CNTLN: variants seen among roughly 807,000 people sequenced by gnomAD.
CNTLN encodes the protein centlein, also known as centlein, centrosomal protein.
A neutral mutation model predicts 180.0 loss-of-function variants in CNTLN; 212 were observed. The ratio of observed to expected loss-of-function variants is 1.18; its 90% CI spans 1.05 to 1.32. CNTLN has a LOEUF of 1.32. CNTLN is among the 40% of genes most tolerant of loss of function. The pLI is 0.00. For missense variants in CNTLN, 2,095 were observed against 1,610.9 expected, an observed-to-expected ratio of 1.30 and a Z score of -5.14; for synonymous variants, 722 against 563.1, an observed-to-expected ratio of 1.28 and a Z score of -3.99.
At chr9:17,199,514 T>G (rs533092439) in intron 2 of CNTLN, among the ~76,000 whole-genome samples, 59 of 152,326 alleles carry the variant, frequency 3.9e-4, no homozygotes, top group African/African-American at 1.3e-3. Flanking sequence ...CCCAGCTTCC[T>G]GACTTTTTAA....
chr9:17,267,861 C>T (rs191914879), intron 5 of CNTLN, among the ~76,000 whole-genome samples: 4 of 152,204 alleles, frequency 2.6e-5, no homozygotes, highest in Non-Finnish European at 5.9e-5. Flanking sequence ...GTCCACGTAG[C>T]TCTTGTGCCT....
At chr9:17,439,782 G>T (rs911637354) in intron 18 of CNTLN, among the ~76,000 whole-genome samples, 1 of 152,186 alleles carries the variant, frequency 6.6e-6, no homozygotes, top group Non-Finnish European at 1.5e-5. Context: ...GGGCCCCCAT[G>T]ATGGGATTAA....
chr9:17,339,678 C>T lies in CNTLN; in HGVS notation c.1645-1149C>T, dbSNP rs187222053. 2.0e-5 allele frequency among the ~76,000 whole-genome samples: 3 copies of T among 152,232 alleles called. No homozygotes were observed. The East Asian group carries it at 5.8e-4, about 29-fold the overall frequency. On this transcript the variant is annotated intron_variant, in intron 10 of 25. Transcript: ENST00000380647. ...TTCATTCATACAGAAATATGAATAA[C>T]AGTTATTAAAATATTTGAAATTCTC...
At chr9:17,353,130 A>T (rs1354529574) in intron 12 of CNTLN, among the ~76,000 whole-genome samples, 2 of 151,644 alleles carry the variant, frequency 1.3e-5, no homozygotes, top group Non-Finnish European at 2.9e-5. Context: ...TTATTTTTCT[A>T]TTTTTTGTAG....
chr9:17,221,924 C>G (rs1287156035), intron 2 of CNTLN, among the ~76,000 whole-genome samples: 1 of 151,988 alleles, frequency 6.6e-6, no homozygotes, highest in East Asian at 1.9e-4. Flanking sequence ...TTCTCATATT[C>G]TCTCTTTTTA....
intron 25 of CNTLN, among the ~76,000 whole-genome samples, chr9:17,494,350 T>C (rs1248499743): frequency 6.6e-6 from 1 of 152,254 alleles, no homozygotes; most frequent in South Asian, 2.1e-4. Context: ...AAGATGATAA[T>C]GAAGCTGAAA....
chr9:17,291,282 A>G (rs548202218), intron 6 of CNTLN, among the ~76,000 whole-genome samples: 55 of 152,234 alleles, frequency 3.6e-4, no homozygotes, highest in Middle Eastern at 3.4e-3. Flanking sequence ...TATATATTCC[A>G]TTGTTTTTGG....
intron 2 of CNTLN, among the ~76,000 whole-genome samples, chr9:17,151,358 AG>A (rs879021936): frequency 6.6e-6 from 1 of 152,150 alleles, no homozygotes; most frequent in Non-Finnish European, 1.5e-5. Context: ...TGGCATGAAT[AG>A]GTGTTGAATT....
chr9:17,324,529 A>T (rs1820132239), intron 8 of CNTLN, among the ~76,000 whole-genome samples: 2 of 152,132 alleles, frequency 1.3e-5, no homozygotes, highest in South Asian at 4.1e-4. Flanking sequence ...TGACATGTAA[A>T]TATTACTAAT....
At chr9:17,135,477 C>T in intron 1 of CNTLN, 52 bp downstream of exon 1, 1 of 1,539,102 alleles carries the variant, frequency 6.5e-7, no homozygotes, top group Non-Finnish European at 8.7e-7. Flanking sequence ...GGGCCGGGAC[C>T]CGTGGGGAGG....
At chr9:17,224,152 A>G (rs1328227001) in intron 2 of CNTLN, among the ~76,000 whole-genome samples, 1 of 151,936 alleles carries the variant, frequency 6.6e-6, no homozygotes, top group Non-Finnish European at 1.5e-5. Flanking sequence ...CGTTACCCTA[A>G]TTTATTGTCC....
Position 17,213,661 on chromosome 9 carries a change from T to A in CNTLN, c.450-12542T>A, listed in dbSNP as rs551326993. 4.8e-4 allele frequency among the ~76,000 whole-genome samples: 73 copies of A among 152,250 alleles called. No individual in the cohort carries two copies. In the East Asian group the frequency reaches 0.01, roughly 21 times the overall value. On this transcript the variant is annotated intron_variant, in intron 2 of 25. Transcript: ENST00000380647. ...GTCTAATGTTGACAGTGGGGTGTTATCGTCTCCCATTATTATTGTGTGGGA... is the reference window on the plus strand; with the variant it reads ...GTCTAATGTTGACAGTGGGGTGTTAACGTCTCCCATTATTATTGTGTGGGA...
chr9:17,224,975 C>T (rs1398305275), intron 2 of CNTLN, among the ~76,000 whole-genome samples: 5 of 151,648 alleles, frequency 3.3e-5, no homozygotes, highest in Non-Finnish European at 4.4e-5. Flanking sequence ...TCCACCACCA[C>T]GTCCTTAACT....
the CNTLN span, among the ~76,000 whole-genome samples, chr9:17,523,302 T>A: frequency 2.6e-5 from 4 of 152,286 alleles, no homozygotes; most frequent in Non-Finnish European, 5.9e-5. Context: ...AGTGGTGCAA[T>A]CTCAGCTCAC....
intron 5 of CNTLN, among the ~76,000 whole-genome samples, chr9:17,242,616 T>C (rs1322895669): frequency 6.6e-6 from 1 of 152,196 alleles, no homozygotes; most frequent in African/African-American, 2.4e-5. Flanking sequence ...TGGCCAGGTT[T>C]TGTCTTTCAT....
intron 7 of CNTLN, chr9:17,298,943 T>A: frequency 1.0e-6 from 1 of 984,570 alleles, no homozygotes; most frequent in Non-Finnish European, 1.2e-6. Context: ...ATCTACTAAT[T>A]AAAAAAAATA....
chr9:17,463,133 C>G (rs1037357179), intron 20 of CNTLN, 120 bp downstream of exon 20: 1 of 580,394 alleles, frequency 1.7e-6, no homozygotes, highest in African/African-American at 2.0e-5. Context: ...CATATTTAAA[C>G]CTACCTAAGA....
At chr9:17,392,057 G>C (rs1442525) in intron 14 of CNTLN, among the ~76,000 whole-genome samples, 3 of 151,772 alleles carry the variant, frequency 2.0e-5, no homozygotes, top group African/African-American at 7.3e-5. Flanking sequence ...ACTGTTTAAA[G>C]AAAAAATGTG....
intron 2 of CNTLN, among the ~76,000 whole-genome samples, chr9:17,177,514 G>A (rs747647050): frequency 6.6e-6 from 1 of 152,204 alleles, no homozygotes; most frequent in African/African-American, 2.4e-5. Flanking sequence ...CCCTTGTGGT[G>A]AGTGTCACAG....
Sources: gnomAD v4.1 joint callset for allele counts (sites outside exome capture counted in the v4.1 genomes callset) on GRCh38, gnomAD v4.1.1 for gene constraint, MANE v1.5 for transcripts, NCBI Gene and HGNC (gene_info 2026-07-23, HGNC 2026-07-21) for gene names.